HIPK2: variants seen among roughly 807,000 people sequenced by gnomAD.
HIPK2 encodes homeodomain-interacting protein kinase 2.
In HIPK2, 27 loss-of-function variants were observed where a neutral mutation model predicts 113.7. The observed-to-expected ratio is 0.24, with a 90% CI of 0.17 to 0.33. The LOEUF is 0.33. HIPK2 is among the 10% of genes least tolerant of loss of function. HIPK2 has a pLI of 1.00. For missense variants in HIPK2, 1,257 were observed against 1,588.0 expected (o/e 0.79, Z 3.54); for synonymous variants, 631 against 642.2 (o/e 0.98, Z 0.26).
intron 1 of HIPK2, chr7:139,777,047 T>G (rs979968165): frequency 6.6e-6 from 1 of 152,180 alleles, no homozygotes; most frequent in African/African-American, 2.4e-5. Context: ...TTTTCGCCTA[T>G]TTCATTGTTC....
intron 1 of HIPK2, among the ~76,000 whole-genome samples, chr7:139,734,596 T>A (rs1795886746): frequency 6.6e-6 from 1 of 152,208 alleles, no homozygotes; most frequent in South Asian, 2.1e-4. Context: ...AAAGAATATT[T>A]AAGTTCTGAC....
chr7:139,725,515 A>C (rs555945290), intron 1 of HIPK2, among the ~76,000 whole-genome samples: 2 of 152,380 alleles, frequency 1.3e-5, no homozygotes, highest in African/African-American at 2.4e-5. Context: ...AATAACCACC[A>C]GTATGCACTG....
intron 1 of HIPK2, among the ~76,000 whole-genome samples, chr7:139,753,320 T>C (rs77907480): frequency 0.11 from 17,415 of 152,148 alleles, 1,180 homozygotes; most frequent in Non-Finnish European, 0.16. Flanking sequence ...TAATCGAGGG[T>C]GCTGGCGTGG....
intron 2 of HIPK2, among the ~76,000 whole-genome samples, chr7:139,644,097 G>A (rs1383017344): frequency 6.6e-6 from 1 of 152,184 alleles, no homozygotes; most frequent in Non-Finnish European, 1.5e-5. Flanking sequence ...GGAACCATGT[G>A]TCTCTGCAGG....
At chr7:139,597,129 C>A (rs751917501) in intron 11 of HIPK2, 131 bp from the exon 12 acceptor site, 20 of 946,328 alleles carry the variant, frequency 2.1e-5, no homozygotes, top group Middle Eastern at 3.4e-4. Context: ...GCCCAATGAG[C>A]CTCCATCTGT....
chr7:139,664,416 A>G (rs1284510394), intron 2 of HIPK2, among the ~76,000 whole-genome samples: 1 of 152,154 alleles, frequency 6.6e-6, no homozygotes, highest in African/African-American at 2.4e-5. Context: ...GGGTGCCTGT[A>G]ATCCCAGCTA....
intron 11 of HIPK2, among the ~76,000 whole-genome samples, chr7:139,599,516 T>C (rs1236103621): frequency 2.0e-5 from 3 of 152,182 alleles, no homozygotes; most frequent in Admixed American, 1.3e-4. Context: ...CTTGATTTTT[T>C]CAAAGTGTTC....
chr7:139,641,307 G>C (rs1363100557), intron 2 of HIPK2, among the ~76,000 whole-genome samples: 1 of 150,886 alleles, frequency 6.6e-6, no homozygotes, highest in Non-Finnish European at 1.5e-5. Flanking sequence ...GGAGGTTGCA[G>C]TGAGCTGAGA....
chr7:139,772,618 C>T (rs773831542), intron 1 of HIPK2, among the ~76,000 whole-genome samples: 8 of 152,118 alleles, frequency 5.3e-5, no homozygotes, highest in African/African-American at 1.2e-4. Flanking sequence ...GAAAGACTCT[C>T]GCTCCATTGC....
chr7:139,752,587 A>C (rs907750861), intron 1 of HIPK2, among the ~76,000 whole-genome samples: 15 of 152,076 alleles, frequency 9.9e-5, no homozygotes, highest in African/African-American at 3.1e-4. Context: ...CACACCCAGG[A>C]TTCCCTCAGT....
At chr7:139,768,968 A>G (rs17262662) in intron 1 of HIPK2, among the ~76,000 whole-genome samples, 19,427 of 152,202 alleles carry the variant, frequency 0.13, 1,333 homozygotes, top group Non-Finnish European at 0.16. Context: ...CAAAGACTGA[A>G]TAATAACGCA....
At chr7:139,773,915 ACT>A (rs1355014700) in intron 1 of HIPK2, among the ~76,000 whole-genome samples, 1 of 152,090 alleles carries the variant, frequency 6.6e-6, no homozygotes, top group Non-Finnish European at 1.5e-5. Context: ...AGCCCCTGAA[ACT>A]CTGCCCCAGC....
rs200602268 is a variant in HIPK2, at chr7:139,757,549, T to TA, written c.19+20055dup. Among the ~76,000 whole-genome samples, 872 of 152,172 alleles carry TA rather than the reference T, an allele frequency of 5.7e-3. 7 individuals carry two copies. Among genetic ancestry groups the TA allele is most frequent in the South Asian group, 0.017 (82 of 4,824 alleles). On this transcript the variant is annotated intron_variant, in intron 1 of 14. Transcript: ENST00000406875. ...TTCACACTCACAAGGATGGCTATCC[T>TA]AAAAAAAGGCATGCGACAACATGGA...
chr7:139,685,642 T>C (rs1794195112), intron 2 of HIPK2, among the ~76,000 whole-genome samples: 1 of 152,234 alleles, frequency 6.6e-6, no homozygotes, highest in African/African-American at 2.4e-5. Flanking sequence ...CATTTACCAT[T>C]CTGAAAATCC....
intron 1 of HIPK2, among the ~76,000 whole-genome samples, chr7:139,769,200 G>A (rs1000566815): frequency 2.0e-5 from 3 of 148,676 alleles, no homozygotes; most frequent in Admixed American, 6.9e-5. Flanking sequence ...TGCTCGATGC[G>A]TGTTCTCCTG....
At chr7:139,617,839 T>C (rs116178942) in intron 7 of HIPK2, among the ~76,000 whole-genome samples, 2 of 152,376 alleles carry the variant, frequency 1.3e-5, no homozygotes, top group African/African-American at 4.8e-5. Flanking sequence ...TATGCATATA[T>C]TGTATTGCTT....
At chr7:139,575,424 T>TC in intron 13 of HIPK2, 136 bp from the exon 14 acceptor site, 1 of 1,004,110 alleles carries the variant, frequency 1.0e-6, no homozygotes, top group Non-Finnish European at 1.4e-6. Flanking sequence ...CAGCCTCATC[T>TC]CCCCCGGACC....
chr7:139,755,695 C>A (rs1796351106), intron 1 of HIPK2, among the ~76,000 whole-genome samples: 2 of 152,246 alleles, frequency 1.3e-5, no homozygotes, highest in Admixed American at 1.3e-4. Flanking sequence ...CAGTCTCCGG[C>A]AGTCCCTTCA....
intron 1 of HIPK2, among the ~76,000 whole-genome samples, chr7:139,731,455 G>A (rs1795779607): frequency 6.6e-6 from 1 of 152,226 alleles, no homozygotes. Context: ...GACGTCCACA[G>A]TTAAGAGGCC....
Sources: allele counts gnomAD v4.1 joint callset (sites outside exome capture counted in the v4.1 genomes callset), GRCh38; gene constraint gnomAD v4.1.1; transcripts MANE v1.5; gene names NCBI Gene and HGNC (gene_info 2026-07-23, HGNC 2026-07-21).